The following TVP23B variants were observed in gnomAD, a reference collection of about 807,000 sequenced individuals.
TVP23B encodes Golgi apparatus membrane protein TVP23 homolog B.
In TVP23B, 10 loss-of-function variants were observed where a neutral mutation model predicts 30.6. The ratio of observed to expected loss-of-function variants is 0.33; its 90% confidence interval spans 0.20 to 0.55. The LOEUF (loss-of-function observed/expected upper bound fraction) is 0.55, where lower values mean the gene tolerates loss of function less well. Ranked by LOEUF, TVP23B falls within the 20% of genes least tolerant of loss-of-function variation. TVP23B has a pLI of 0.91. For missense variants in TVP23B, 153 were observed against 243.2 expected (o/e 0.63, Z 2.47); for synonymous variants, 67 against 83.1 (o/e 0.81, Z 1.06).
intron 1 of TVP23B, among the ~76,000 whole-genome samples, chr17:18,783,374 A>G (rs560937270): frequency 1.3e-5 from 2 of 152,230 alleles, no homozygotes; most frequent in East Asian, 3.9e-4. Context: ...CCAAAGTGCT[A>G]GGATTACAGG....
In TVP23B at chr17:18,800,946, CAG is replaced by C. The variant is rs1343463945; in HGVS notation, c.462+2004_462+2005del. 4.6e-5 allele frequency among the ~76,000 whole-genome samples: 7 copies of C among 152,130 alleles called. No homozygotes were observed. The South Asian group carries it at 6.2e-4, about 14-fold the overall frequency. On this transcript the variant is annotated intron_variant, in intron 5 of 6. Transcript: ENST00000307767. Reference sequence around the variant, plus strand: ...CTTATGTCAGAGCTGTCTGGAGACACAGGGGGATAAGTTAGGGGACAGTAAAC... The same window carrying C: ...CTTATGTCAGAGCTGTCTGGAGACACGGGGATAAGTTAGGGGACAGTAAAC...
intron 5 of TVP23B, among the ~76,000 whole-genome samples, chr17:18,802,700 T>A (rs1388192690): frequency 1.6e-4 from 25 of 152,198 alleles, no homozygotes; most frequent in Non-Finnish European, 4.4e-5. Flanking sequence ...AGGGAGATCT[T>A]CATGTCTGAC....
intron 1 of TVP23B, among the ~76,000 whole-genome samples, chr17:18,786,834 T>G (rs2035913647): frequency 1.3e-5 from 2 of 149,868 alleles, no homozygotes; most frequent in Admixed American, 1.3e-4. Context: ...TATTCCCACC[T>G]GTGCCTTTCA....
chr17:18,802,190 C>G (rs2036178677), intron 5 of TVP23B, among the ~76,000 whole-genome samples: 1 of 151,804 alleles, frequency 6.6e-6, no homozygotes, highest in Admixed American at 6.6e-5. Flanking sequence ...CCACCGCACT[C>G]CAGCCTGAGC....
intron 3 of TVP23B, among the ~76,000 whole-genome samples, chr17:18,794,103 AG>A (rs2036040352): frequency 6.6e-6 from 1 of 152,128 alleles, no homozygotes; most frequent in East Asian, 1.9e-4. Flanking sequence ...ATTAGAAAAT[AG>A]AAAAGCATTA....
intron 3 of TVP23B, among the ~76,000 whole-genome samples, chr17:18,794,073 A>G (rs753182403): frequency 3.3e-5 from 5 of 152,020 alleles, no homozygotes; most frequent in East Asian, 1.9e-4. Context: ...CAAACTATGT[A>G]TAGTAAAAAA....
chr17:18,797,530 C>A (rs9908423), intron 3 of TVP23B, 49 bp from the exon 4 acceptor site: 642,792 of 1,612,212 alleles, frequency 0.4, 130,758 homozygotes, highest in Non-Finnish European at 0.43. Context: ...TGTGATAGAT[C>A]TTTAAATAAT....
chr17:18,805,429 A>G (rs2036234346), intron 6 of TVP23B, 112 bp from the exon 7 acceptor site: 1 of 1,527,864 alleles, frequency 6.5e-7, no homozygotes, highest in Non-Finnish European at 8.7e-7. Flanking sequence ...TATGTAAGGT[A>G]ATGCTCTGCT....
intron 5 of TVP23B, among the ~76,000 whole-genome samples, chr17:18,802,762 T>C (rs1446638563): frequency 1.3e-5 from 2 of 152,264 alleles, no homozygotes; most frequent in Non-Finnish European, 2.9e-5. Flanking sequence ...TTAACATTTG[T>C]TGCCATTGAG....
At chr17:18,802,109 T>C (rs868121927) in intron 5 of TVP23B, among the ~76,000 whole-genome samples, 26 of 151,940 alleles carry the variant, frequency 1.7e-4, no homozygotes, top group African/African-American at 4.6e-4. Flanking sequence ...GTAGTCCCAG[T>C]TACTCGGGAG....
In TVP23B at chr17:18,806,069, T is replaced by C. The variant is rs1179411429; in HGVS notation, c.*502T>C. The C allele has an allele frequency of 9.2e-6, 9 of 980,964 alleles. No homozygotes were observed. Among genetic ancestry groups the C allele is most frequent in the South Asian group, 4.7e-5 (1 of 21,202 alleles). The allele number at this position is 980,964 out of a possible 1,614,324, so 60.8% of individuals were successfully genotyped here. ...TAGAAATAATTGTTAGTTTTTAATA[T>C]GCACTTCGTGGGGAAATTTCTTAGA... On this transcript the variant is annotated 3_prime_UTR_variant, in exon 7 of 7. Transcript: ENST00000307767.
intron 3 of TVP23B, among the ~76,000 whole-genome samples, chr17:18,791,828 TAATAA>T (rs1030227690): frequency 3.3e-5 from 5 of 151,922 alleles, no homozygotes; most frequent in African/African-American, 4.8e-5. Context: ...TAAGTAAGCA[TAATAA>T]AATATTAAAT....
chr17:18,798,059 G>A (rs948431471), intron 4 of TVP23B, among the ~76,000 whole-genome samples: 35 of 152,238 alleles, frequency 2.3e-4, no homozygotes, highest in Admixed American at 3.9e-4. Flanking sequence ...TTCTGGGCAG[G>A]AAAAAGGAGG....
At chr17:18,786,632 C>T (rs1358917664) in intron 1 of TVP23B, among the ~76,000 whole-genome samples, 1 of 152,116 alleles carries the variant, frequency 6.6e-6, no homozygotes, top group Non-Finnish European at 1.5e-5. Context: ...AGGGCTGGAC[C>T]CAAGTATCAG....
intron 1 of TVP23B, among the ~76,000 whole-genome samples, chr17:18,782,959 C>T (rs564333267): frequency 6.6e-6 from 1 of 151,340 alleles, no homozygotes; most frequent in South Asian, 2.1e-4. Context: ...GTTTCAGCCT[C>T]ATTTTACCCA....
At chr17:18,792,068 T>C (rs2151846749) in intron 3 of TVP23B, among the ~76,000 whole-genome samples, 1 of 151,934 alleles carries the variant, frequency 6.6e-6, no homozygotes, top group East Asian at 1.9e-4. Flanking sequence ...AGTTTCACTT[T>C]TGTTGCCCAG....
At chr17:18,799,754 A>G (rs1199636149) in intron 5 of TVP23B, among the ~76,000 whole-genome samples, 1 of 152,092 alleles carries the variant, frequency 6.6e-6, no homozygotes, top group Non-Finnish European at 1.5e-5. Flanking sequence ...TCTGATATGA[A>G]TAAATATTGT....
chr17:18,797,209 A>G, intron 3 of TVP23B: 1 of 248,568 alleles, frequency 4.0e-6, no homozygotes, highest in Non-Finnish European at 7.9e-6. Flanking sequence ...ATTTTCAGGG[A>G]TATGTAGTTG....
At chr17:18,799,752 G>C (rs1428141296) in intron 5 of TVP23B, among the ~76,000 whole-genome samples, 6 of 151,842 alleles carry the variant, frequency 4.0e-5, no homozygotes, top group Non-Finnish European at 5.9e-5. Context: ...TATCTGATAT[G>C]AATAAATATT....
Sources: allele counts gnomAD v4.1 joint callset (sites outside exome capture counted in the v4.1 genomes callset), GRCh38; gene constraint gnomAD v4.1.1; transcripts MANE v1.5; gene names NCBI Gene and HGNC (gene_info 2026-07-23, HGNC 2026-07-21).